Variants in ANTXR2 observed in about 807,000 individuals in gnomAD.
ANTXR2 encodes ANTXR cell adhesion molecule 2, also known as anthrax toxin receptor 2.
In ANTXR2, 44 loss-of-function variants were observed where a neutral mutation model predicts 73.7. That is an observed-to-expected ratio of 0.60 (90% confidence interval 0.47 to 0.77). The LOEUF is 0.77. ANTXR2 is among the 30% of genes least tolerant of loss of function. The pLI, the probability that ANTXR2 is intolerant of heterozygous loss-of-function variation, is 0.00. For missense variants in ANTXR2, 604 were observed against 592.5 expected (o/e 1.02, Z -0.20); for synonymous variants, 217 against 205.9 (o/e 1.05, Z -0.46).
In ANTXR2 at chr4:80,055,441, T is replaced by A; in HGVS notation, c.405A>T (p.Gly135=). The change falls in exon 5 of 17, where the codon GGA becomes GGT. Residue 135 remains glycine, a synonymous_variant. Coordinates refer to ENST00000403729, the MANE Select transcript of ANTXR2 (RefSeq NM_058172.6). ...TTATGATACTGGAGGTTTTCAAGCC[T>A]CCTGCTTTCTGAATTTGTTCATTCG... ...KLANEQIQKA[G]GLKTSSIIIA... is the part of the protein sequence containing the mutation. The A allele has an allele frequency of 6.2e-7, 1 of 1,610,576 alleles. No homozygotes were observed. The highest frequency in any genetic ancestry group is 8.5e-7 in the Non-Finnish European group (1 of 1,178,008).
At chr4:80,056,745 C>A (rs1314599346) in intron 3 of ANTXR2, among the ~76,000 whole-genome samples, 1 of 151,844 alleles carries the variant, frequency 6.6e-6, no homozygotes, top group Non-Finnish European at 1.5e-5. Context: ...AGAATAATTT[C>A]TTTCATCATG....
chr4:79,983,883 T>C lies in ANTXR2; in HGVS notation c.1174A>G (p.Met392Val), dbSNP rs200515576. The change falls in exon 14 of 17, where the codon ATG (methionine) becomes GTG (valine). Residue 392 changes from methionine to valine, a missense_variant. By Grantham distance (21) the Met-to-Val change is conservative. Transcript: ENST00000403729. ...GGRGVGGIKR[M>V]EVRWGDKGST... ...TTTTTTTTTAAGATACCAACCTCCA[T>C]TCTTTTAATTCCTCCAACCCCTCGA... The C allele has an allele frequency of 6.2e-7, 1 of 1,610,844 alleles. No individual in the cohort carries two copies. The highest frequency in any genetic ancestry group is 8.5e-7 in the Non-Finnish European group (1 of 1,177,744).
intron 16 of ANTXR2, among the ~76,000 whole-genome samples, chr4:79,930,542 T>C (rs776921373): frequency 7.2e-5 from 11 of 152,260 alleles, no homozygotes; most frequent in Non-Finnish European, 1.3e-4. Flanking sequence ...ATTATCAGGA[T>C]GTGGTCCATC....
intron 12 of ANTXR2, among the ~76,000 whole-genome samples, chr4:79,989,259 A>AT (rs1384787833): frequency 6.6e-6 from 1 of 152,080 alleles, no homozygotes; most frequent in Non-Finnish European, 1.5e-5. Context: ...AGATTAATAA[A>AT]TAAAAAAAAG....
Position 80,008,553 on chromosome 4 carries a change from T to C in ANTXR2, c.1009A>G (p.Met337Val). ...VLLLLLGIGL[M>V]WWFWPLCCKV... ...CAGCAAAGGGGCCAAAACCACCACA[T>C]CAAACCGATCCCCAGGAGTAGCAGT... The change falls in exon 12 of 17, where the codon ATG becomes GTG. Residue 337 changes from methionine to valine, a missense_variant. Physicochemically the swap from Met to Val is conservative, Grantham distance 21. Coordinates refer to ENST00000403729, the MANE Select transcript of ANTXR2 (RefSeq NM_058172.6). The C allele has an allele frequency of 6.2e-7, 1 of 1,608,836 alleles. No homozygotes were observed. Among genetic ancestry groups the C allele is most frequent in the Non-Finnish European group, 8.5e-7 (1 of 1,177,934 alleles).
chr4:79,924,500 TA>T (rs1227283146), intron 16 of ANTXR2, among the ~76,000 whole-genome samples: 1 of 151,956 alleles, frequency 6.6e-6, no homozygotes, highest in Non-Finnish European at 1.5e-5. Flanking sequence ...CTAAAATAAA[TA>T]AATAAATAGA....
At chr4:80,053,374 AG>A (rs965574257) in intron 7 of ANTXR2, among the ~76,000 whole-genome samples, 4 of 151,702 alleles carry the variant, frequency 2.6e-5, no homozygotes, top group Non-Finnish European at 3.0e-5. Context: ...TTCTCTGAAA[AG>A]CTCCATTAAT....
intron 12 of ANTXR2, among the ~76,000 whole-genome samples, chr4:79,996,738 A>T (rs558479455): frequency 5.3e-5 from 8 of 152,030 alleles, no homozygotes; most frequent in Non-Finnish European, 1.0e-4. Flanking sequence ...AACTACAGTC[A>T]TGAGAATTCC....
chr4:79,964,223 T>G (rs1729259803), intron 16 of ANTXR2, among the ~76,000 whole-genome samples: 1 of 152,164 alleles, frequency 6.6e-6, no homozygotes, highest in South Asian at 2.1e-4. Context: ...CCTTGGAGAT[T>G]TAATTGGTTT....
intron 14 of ANTXR2, among the ~76,000 whole-genome samples, chr4:79,980,434 T>C (rs1729837430): frequency 6.6e-6 from 1 of 152,106 alleles, no homozygotes; most frequent in African/African-American, 2.4e-5. Flanking sequence ...ATAACAACAA[T>C]AGACTGCTAA....
intron 12 of ANTXR2, among the ~76,000 whole-genome samples, chr4:80,002,884 T>C (rs946472483): frequency 1.8e-4 from 27 of 148,490 alleles, no homozygotes; most frequent in Admixed American, 1.6e-3. Context: ...CCAGTTAGAA[T>C]GGCAATCATT....
At position 79,906,174 on chromosome 4, in the gene ANTXR2, T is replaced by TA. The variant is rs1578070722; in HGVS notation, c.*1254dup. The TA allele has an allele frequency of 6.5e-6, 1 of 152,722 alleles. No homozygotes were observed. Among genetic ancestry groups the TA allele is most frequent in the East Asian group, 1.9e-4 (1 of 5,184 alleles). 9.5% of individuals were successfully genotyped at this position (152,722 alleles called of 1,614,324 possible). A position where few individuals can be genotyped will look rare whatever the true frequency, so the allele number is the denominator to read the frequency against. ...CGACGTGACACGATGGTGGTTTTTC[T>TA]AAAAAATTATAATACATACATCGTC... On this transcript the variant is annotated 3_prime_UTR_variant, in exon 17 of 17. Coordinates refer to ENST00000403729, the MANE Select transcript of ANTXR2 (RefSeq NM_058172.6).
chr4:80,063,897 T>C (rs570975365), intron 3 of ANTXR2, among the ~76,000 whole-genome samples: 1 of 152,242 alleles, frequency 6.6e-6, no homozygotes, highest in East Asian at 1.9e-4. Context: ...TAGACCTACC[T>C]TTCCATGCTA....
At chr4:80,004,696 A>G (rs1336125207) in intron 12 of ANTXR2, among the ~76,000 whole-genome samples, 1 of 152,134 alleles carries the variant, frequency 6.6e-6, no homozygotes, top group East Asian at 1.9e-4. Flanking sequence ...AATAATGTCA[A>G]GATTTTTAAT....
intron 4 of ANTXR2, 84 bp downstream of exon 4, chr4:80,055,847 GT>G: frequency 1.0e-6 from 1 of 990,076 alleles, no homozygotes. Flanking sequence ...ATGTAATGAG[GT>G]TACTGAGCTT....
intron 16 of ANTXR2, among the ~76,000 whole-genome samples, chr4:79,959,392 T>G (rs749986871): frequency 1.4e-4 from 22 of 152,158 alleles, no homozygotes; most frequent in Non-Finnish European, 2.4e-4. Flanking sequence ...ATTCTACAAA[T>G]TCAAATGATA....
In ANTXR2 at chr4:80,040,144, T is replaced by C. The variant is rs1269671641; in HGVS notation, c.637-4112A>G. On this transcript the variant is annotated intron_variant, in intron 7 of 16. Coordinates refer to ENST00000403729, the MANE Select transcript of ANTXR2 (RefSeq NM_058172.6). ...GGGGAGGAAGGAAGAGAGATGAGGG[T>C]TGAAAAACCAGCTATTGGGTACTAT... Among the ~76,000 whole-genome samples the C allele has an allele frequency of 4.7e-5, 7 of 149,982 alleles. No individual in the cohort carries two copies. In the Admixed American group the frequency reaches 4.7e-4, roughly 10 times the overall value.
At chr4:79,924,005 T>C (rs774268244) in intron 16 of ANTXR2, among the ~76,000 whole-genome samples, 7 of 152,116 alleles carry the variant, frequency 4.6e-5, no homozygotes, top group Non-Finnish European at 1.0e-4. Flanking sequence ...TTGTTTTAAT[T>C]GTAGATTTGG....
At chr4:80,036,090 G>T in intron 7 of ANTXR2, 58 bp from the exon 8 acceptor site, 1 of 1,350,098 alleles carries the variant, frequency 7.4e-7, no homozygotes, top group Non-Finnish European at 1.0e-6. Flanking sequence ...ACAATGTGAA[G>T]TAAATTATAA....
Sources: gnomAD v4.1 joint callset for allele counts (sites outside exome capture counted in the v4.1 genomes callset) on GRCh38, gnomAD v4.1.1 for gene constraint, MANE v1.5 for transcripts, NCBI Gene and HGNC (gene_info 2026-07-23, HGNC 2026-07-21) for gene names.